The following PI4KA variants were observed in gnomAD, a reference collection of about 807,000 sequenced individuals.
PI4KA encodes the protein phosphatidylinositol 4-kinase alpha.
In PI4KA, 122 loss-of-function variants were observed where a neutral mutation model predicts 271.4. The ratio of observed to expected loss-of-function variants is 0.45; its 90% CI spans 0.39 to 0.52. The LOEUF (loss-of-function observed/expected upper bound fraction) is 0.52, where lower values mean the gene tolerates loss of function less well. PI4KA is among the 20% of genes least tolerant of loss of function. PI4KA has a pLI of 0.00. For synonymous variants in PI4KA, 1,041 were observed against 1,078.8 expected (o/e 0.96, Z 0.69); for missense variants, 1,969 against 2,769.1 (o/e 0.71, Z 6.48).
chr22:20,854,194 T>A (rs1444640777), intron 1 of PI4KA, among the ~76,000 whole-genome samples: 2 of 148,428 alleles, frequency 1.3e-5, no homozygotes, highest in African/African-American at 5.0e-5. Context: ...GATCTCGGCT[T>A]ACTGCAACCT....
rs361731 is a variant in PI4KA, at chr22:20,817,734, C to CAAAAAAAAA, written c.856+740_856+748dup. On this transcript the variant is annotated intron_variant, in intron 7 of 54. Transcript: ENST00000255882. ...GGGTGGCAGAGTGAGACTCTCTCTCCAAAAAAAAAAAAAAAAAAAAAAAAA... is the reference window on the plus strand; with the variant it reads ...GGGTGGCAGAGTGAGACTCTCTCTCCAAAAAAAAAAAAAAAAAAAAAAAAAAAAAAAAAA... 1.5e-3 allele frequency among the ~76,000 whole-genome samples: 21 copies of CAAAAAAAAA among 13,972 alleles called. 4 individuals carry two copies. Among genetic ancestry groups the CAAAAAAAAA allele is most frequent in the Non-Finnish European group, 2.1e-3 (16 of 7,462 alleles). 9.2% of individuals were successfully genotyped at this position (13,972 alleles called of 152,430 possible). A position where few individuals can be genotyped will look rare whatever the true frequency, so the allele number is the denominator to read the frequency against.
intron 1 of PI4KA, among the ~76,000 whole-genome samples, chr22:20,851,847 T>C (rs1162014479): frequency 6.6e-6 from 1 of 152,230 alleles, no homozygotes; most frequent in Non-Finnish European, 1.5e-5. Flanking sequence ...CTTGGCAATG[T>C]TCATGAAAGG....
At chr22:20,786,149 G>T (rs112532281) in intron 19 of PI4KA, 1 of 1,613,992 alleles carries the variant, frequency 6.2e-7, no homozygotes, top group Non-Finnish European at 8.5e-7. Context: ...CATCGACCTG[G>T]TAACCACTCC....
chr22:20,786,169 C>A (rs1414179584), intron 19 of PI4KA: 2 of 1,613,298 alleles, frequency 1.2e-6, no homozygotes, highest in South Asian at 1.1e-5. Flanking sequence ...CCTTGTCCAC[C>A]CCCGACCCGT....
rs974894090 is a variant in PI4KA, at chr22:20,811,093, C to T, written c.1006-61G>A. 5 of 1,262,968 alleles carry T rather than the reference C, an allele frequency of 4.0e-6. No homozygotes were observed. The African/African-American group carries it at 7.3e-5, about 19-fold the overall frequency. 78.2% of individuals were successfully genotyped at this position (1,262,968 alleles called of 1,614,324 possible). On this transcript the variant is annotated intron_variant, in intron 8 of 54. Transcript: ENST00000255882. ...ATACACAGAGACAGGAATGCTAGCT[C>T]CTTCTACCGAAAACCCATGACAAAC... is the stretch of plus-strand genomic sequence containing the variant.
intron 3 of PI4KA, among the ~76,000 whole-genome samples, chr22:20,827,498 C>A (rs1923574154): frequency 6.6e-6 from 1 of 152,118 alleles, no homozygotes; most frequent in Admixed American, 6.6e-5. Context: ...ATGTCTCCAG[C>A]TTTACTCTTT....
At chr22:20,728,253 TA>T (rs920723431) in intron 39 of PI4KA, among the ~76,000 whole-genome samples, 7 of 151,532 alleles carry the variant, frequency 4.6e-5, no homozygotes, top group African/African-American at 7.3e-5. Context: ...CACAGAAATT[TA>T]AAAAAAAAGT....
Position 20,764,966 on chromosome 22 carries a change from C to A in PI4KA, c.2575-16G>T. 4 of 1,597,014 alleles carry A rather than the reference C, an allele frequency of 2.5e-6. No homozygotes were observed. Among genetic ancestry groups the A allele is most frequent in the Non-Finnish European group, 3.4e-6 (4 of 1,167,846 alleles). ...TCAGCTCAGCCTGGAGGGAGAGAAA[C>A]ATCCGAGGGCTCATGGGGCATCCCC... On this transcript the variant is annotated splice_polypyrimidine_tract_variant and intron_variant, in intron 21 of 54. Coordinates refer to ENST00000255882, the MANE Select transcript of PI4KA (RefSeq NM_058004.4).
intron 20 of PI4KA, 32 bp from the exon 21 acceptor site, chr22:20,765,268 A>C: frequency 6.4e-7 from 1 of 1,573,988 alleles, no homozygotes; most frequent in Non-Finnish European, 8.7e-7. Flanking sequence ...TGAGGAAATC[A>C]CCTTGGTCGG....
rs748909562 is a variant in PI4KA at position 20,765,581 on chromosome 22, C to G, written c.2437+4G>C. ...CTTCACTGGGAGAGAGATGATCCCCCTACCTGAGCCCTCCACAGCGAATCC... is the reference window on the plus strand; with the variant it reads ...CTTCACTGGGAGAGAGATGATCCCCGTACCTGAGCCCTCCACAGCGAATCC... On this transcript the variant is annotated splice_donor_region_variant and intron_variant, in intron 20 of 54. Coordinates refer to ENST00000255882, the MANE Select transcript of PI4KA (RefSeq NM_058004.4). The G allele has an allele frequency of 6.3e-7, 1 of 1,576,040 alleles. No homozygotes were observed. The highest frequency in any genetic ancestry group is 1.1e-5 in the South Asian group (1 of 90,312).
intron 30 of PI4KA, 199 bp from the exon 31 acceptor site, chr22:20,742,963 T>A: frequency 1.7e-6 from 1 of 572,352 alleles, no homozygotes. Flanking sequence ...AAAGAACAGC[T>A]CCTCTAGAAA....
chr22:20,846,688 C>T (rs532644194), intron 1 of PI4KA, among the ~76,000 whole-genome samples: 1 of 151,386 alleles, frequency 6.6e-6, no homozygotes, highest in Non-Finnish European at 1.5e-5. Flanking sequence ...ACTAAAAATA[C>T]AAAAATTAGC....
intron 36 of PI4KA, 39 bp from the exon 37 acceptor site, chr22:20,730,050 C>A: frequency 6.2e-7 from 1 of 1,605,196 alleles, no homozygotes; most frequent in Middle Eastern, 1.7e-4. Flanking sequence ...AGTGAGGTGG[C>A]TCAAGAAAAG....
At chr22:20,798,858 AG>A (rs2147586437) in intron 16 of PI4KA, 171 bp from the exon 17 acceptor site, 1 of 630,888 alleles carries the variant, frequency 1.6e-6, no homozygotes. Context: ...AAAAGCTAAA[AG>A]GGACATGGCT....
Position 20,788,102 on chromosome 22 carries a change from C to T in PI4KA, c.2328+5091G>A, listed in dbSNP as rs554034192. 1.6e-4 allele frequency among the ~76,000 whole-genome samples: 24 copies of T among 152,310 alleles called. No individual in the cohort carries two copies. The East Asian group carries it at 3.3e-3, about 21-fold the overall frequency. On this transcript the variant is annotated intron_variant, in intron 19 of 54. Coordinates refer to ENST00000255882, the MANE Select transcript of PI4KA (RefSeq NM_058004.4). ...TGAAATCCACAGAGGCTGTTCAGCA[C>T]GCAAGAGTGCCAGTGCTCTTTCAGT...
intron 3 of PI4KA, among the ~76,000 whole-genome samples, chr22:20,826,792 CTGAT>C (rs1923478703): frequency 1.3e-5 from 2 of 152,146 alleles, no homozygotes; most frequent in Admixed American, 6.5e-5. Flanking sequence ...TTGCATTTCT[CTGAT>C]TATTAGCATC....
chr22:20,818,563 C>T lies in PI4KA; in HGVS notation c.790-14G>A, dbSNP rs750913238. On this transcript the variant is annotated splice_polypyrimidine_tract_variant and intron_variant, in intron 6 of 54. Transcript: ENST00000255882. ...TTCAGGGCTGACCTGAAACACACAACCACAGTTACATATCAGAAAAGACCA... is the reference window on the plus strand; with the variant it reads ...TTCAGGGCTGACCTGAAACACACAATCACAGTTACATATCAGAAAAGACCA... 6.5e-7 allele frequency: 1 copy of T among 1,527,096 alleles called. No individual in the cohort carries two copies. The highest frequency in any genetic ancestry group is 1.3e-5 in the South Asian group (1 of 76,174). 94.6% of individuals were successfully genotyped at this position (1,527,096 alleles called of 1,614,324 possible).
chr22:20,714,311 T>C, intron 47 of PI4KA, 147 bp downstream of exon 47: 2 of 1,478,556 alleles, frequency 1.4e-6, no homozygotes, highest in Non-Finnish European at 1.8e-6. Context: ...CATCCCCCAA[T>C]GAGGGATCTG....
intron 27 of PI4KA, among the ~76,000 whole-genome samples, chr22:20,750,725 A>G (rs1930587804): frequency 6.6e-6 from 1 of 152,226 alleles, no homozygotes; most frequent in Non-Finnish European, 1.5e-5. Context: ...GCAGAGGTCC[A>G]GAGGTAGGAC....
Sources: gnomAD v4.1 joint callset for allele counts (sites outside exome capture counted in the v4.1 genomes callset) on GRCh38, gnomAD v4.1.1 for gene constraint, MANE v1.5 for transcripts, NCBI Gene and HGNC (gene_info 2026-07-23, HGNC 2026-07-21) for gene names.